Variants in PAK2 observed in about 807,000 individuals in gnomAD.
PAK2 encodes serine/threonine-protein kinase PAK 2.
Under a neutral mutation model 65.9 loss-of-function variants are expected in PAK2, and 21 were observed. The ratio of observed to expected loss-of-function variants is 0.32; its 90% CI spans 0.23 to 0.46. PAK2 has a LOEUF of 0.46. Among genes scored for constraint, PAK2 ranks in the 20% least tolerant of loss-of-function variants. The probability of loss-of-function intolerance (pLI) is 1.00; values close to 1 mark genes in which losing one functional copy is unlikely to be tolerated. For missense variants in PAK2, 324 were observed against 642.6 expected (o/e 0.50, Z 5.36); for synonymous variants, 204 against 219.7 (o/e 0.93, Z 0.63).
intron 2 of PAK2, among the ~76,000 whole-genome samples, chr3:196,795,072 T>C (rs969431785): frequency 1.8e-4 from 27 of 152,162 alleles, no homozygotes; most frequent in African/African-American, 5.5e-4. Flanking sequence ...TAATGAAAAC[T>C]GTAAACCCAC....
chr3:196,780,852 A>G (rs1714684247), intron 1 of PAK2, among the ~76,000 whole-genome samples: 1 of 152,142 alleles, frequency 6.6e-6, no homozygotes, highest in South Asian at 2.1e-4. Flanking sequence ...GCAGTGGCGC[A>G]ATCTCGGCTC....
rs536205062 is a variant in PAK2 at position 196,748,501 on chromosome 3, A to G, written c.-22+8344A>G. Among the ~76,000 whole-genome samples the G allele has an allele frequency of 5.3e-5, 8 of 152,122 alleles. No homozygotes were observed. The East Asian group carries it at 1.5e-3, about 29-fold the overall frequency. ...ACCTGTTCCTCCCACTTTTACTGCA[A>G]CCCCTGGCAACCGCTGATCCTTTTA... On this transcript the variant is annotated intron_variant, in intron 1 of 14. Transcript: ENST00000327134.
chr3:196,800,548 C>A (rs1184706397), intron 2 of PAK2, among the ~76,000 whole-genome samples: 1 of 151,826 alleles, frequency 6.6e-6, no homozygotes, highest in Admixed American at 6.6e-5. Context: ...ACAGCTTTGA[C>A]AAAAGAAAAA....
chr3:196,762,923 T>G (rs560277787), intron 1 of PAK2, among the ~76,000 whole-genome samples: 1 of 152,166 alleles, frequency 6.6e-6, no homozygotes, highest in South Asian at 2.1e-4. Context: ...CATACAGTAA[T>G]TTGAACATGA....
intron 1 of PAK2, among the ~76,000 whole-genome samples, chr3:196,753,044 C>T (rs549339127): frequency 5.5e-4 from 82 of 150,386 alleles, no homozygotes; most frequent in Admixed American, 2.0e-3. Context: ...GCAGTGGTGC[C>T]GATGGCTCAC....
chr3:196,741,763 G>A (rs1713198658), intron 1 of PAK2, among the ~76,000 whole-genome samples: 1 of 152,188 alleles, frequency 6.6e-6, no homozygotes, highest in African/African-American at 2.4e-5. Flanking sequence ...CTTAATGGAT[G>A]TTTTATTGGC....
At chr3:196,762,636 G>A (rs1167645700) in intron 1 of PAK2, among the ~76,000 whole-genome samples, 2 of 151,710 alleles carry the variant, frequency 1.3e-5, no homozygotes, top group African/African-American at 4.8e-5. Context: ...GATGGCAGCA[G>A]TACAGTCCAG....
chr3:196,808,082 T>A (rs973655573), intron 7 of PAK2, 168 bp downstream of exon 7: 8 of 575,724 alleles, frequency 1.4e-5, no homozygotes, highest in African/African-American at 1.3e-4. Context: ...GTCACCAGGT[T>A]CACCCCTAAA....
intron 2 of PAK2, among the ~76,000 whole-genome samples, chr3:196,799,829 G>A (rs1459960469): frequency 6.6e-6 from 1 of 152,132 alleles, no homozygotes; most frequent in Admixed American, 6.6e-5. Context: ...GGCCAGATGG[G>A]TCTTGAACTC....
chr3:196,808,527 C>T (rs1440979849), intron 7 of PAK2, among the ~76,000 whole-genome samples: 1 of 140,598 alleles, frequency 7.1e-6, no homozygotes, highest in Admixed American at 7.6e-5. Context: ...CGCCACTGCA[C>T]TCCAGCCTGG....
At chr3:196,781,805 G>A (rs1454285661) in intron 1 of PAK2, among the ~76,000 whole-genome samples, 3 of 151,852 alleles carry the variant, frequency 2.0e-5, no homozygotes, top group Non-Finnish European at 2.9e-5. Context: ...TCATCTCTAC[G>A]AAAAATACAA....
In PAK2 at chr3:196,807,859, A is replaced by G. The variant is rs2108760716; in HGVS notation, c.654A>G (p.Leu218=). The G allele has an allele frequency of 1.9e-6, 3 of 1,611,202 alleles. No individual in the cohort carries two copies. The highest frequency in any genetic ancestry group is 1.7e-4 in the Middle Eastern group (1 of 6,000). ...ATGTTGATGGTGCTGCCAAGTCTTT[A>G]GACAAACAGAAAAAGAAGACTAAGA... ...DSHVDGAAKS[L]DKQKKKTKMT... is the part of the protein sequence containing the mutation. Residue 218 remains leucine (L), a synonymous_variant, in exon 7 of 15, where the codon TTA becomes TTG. Coordinates refer to ENST00000327134, the MANE Select transcript of PAK2 (RefSeq NM_002577.4).
chr3:196,801,426 T>C (rs917601426), intron 2 of PAK2, among the ~76,000 whole-genome samples: 1 of 152,192 alleles, frequency 6.6e-6, no homozygotes, highest in Non-Finnish European at 1.5e-5. Flanking sequence ...CAGGACAGTC[T>C]GCTTTACTTC....
chr3:196,763,408 T>G (rs1390979022), intron 1 of PAK2, among the ~76,000 whole-genome samples: 2 of 152,150 alleles, frequency 1.3e-5, no homozygotes, highest in Non-Finnish European at 2.9e-5. Context: ...CCTTTTCTTC[T>G]GTGATGTCTC....
rs187543883 is a variant in PAK2, at chr3:196,825,125, C to T, written c.1351-2071C>T. 1.1e-3 allele frequency among the ~76,000 whole-genome samples: 164 copies of T among 152,026 alleles called. 1 individual carries two copies. Among genetic ancestry groups the T allele is most frequent in the African/African-American group, 2.7e-3 (113 of 41,486 alleles). ...CTTTGGGAGGCCAAGGTGGGCAGAT[C>T]GCTTGAGGTTAGGAGTTTGAGACCA... On this transcript the variant is annotated intron_variant, in intron 13 of 14. Coordinates refer to ENST00000327134, the MANE Select transcript of PAK2 (RefSeq NM_002577.4).
At chr3:196,749,906 C>T (rs961495933) in intron 1 of PAK2, among the ~76,000 whole-genome samples, 9 of 151,836 alleles carry the variant, frequency 5.9e-5, no homozygotes, top group African/African-American at 2.2e-4. Context: ...ACTGCAGCCT[C>T]GAGCTCCTAG....
chr3:196,787,061 C>T (rs1235896456), intron 2 of PAK2, among the ~76,000 whole-genome samples: 2 of 151,772 alleles, frequency 1.3e-5, no homozygotes, highest in East Asian at 1.9e-4. Context: ...TGAGCTCAAA[C>T]GATCTGCCAG....
intron 1 of PAK2, among the ~76,000 whole-genome samples, chr3:196,770,208 G>C (rs1372793066): frequency 6.6e-6 from 1 of 152,166 alleles, no homozygotes; most frequent in East Asian, 1.9e-4. Context: ...AGTGAGGTCT[G>C]ATCATGCCAT....
chr3:196,799,014 A>C (rs1715340518), intron 2 of PAK2, among the ~76,000 whole-genome samples: 1 of 152,236 alleles, frequency 6.6e-6, no homozygotes. Context: ...ACTTTTATTC[A>C]ACAATGTACT....
Sources: allele counts gnomAD v4.1 joint callset (sites outside exome capture counted in the v4.1 genomes callset), GRCh38; gene constraint gnomAD v4.1.1; transcripts MANE v1.5; gene names NCBI Gene and HGNC (gene_info 2026-07-23, HGNC 2026-07-21).